The following ZMYND8 variants were observed in gnomAD, a reference collection of about 807,000 sequenced individuals.
The protein encoded by ZMYND8 is zinc finger MYND-type containing 8, also known as MYND-type zinc finger-containing chromatin reader ZMYND8.
Under a neutral mutation model 140.8 loss-of-function variants are expected in ZMYND8, and 37 were observed. The observed-to-expected ratio is 0.26, with a 90% CI of 0.20 to 0.35. ZMYND8 has a LOEUF of 0.35. Ranked by LOEUF, ZMYND8 falls within the 10% of genes least tolerant of loss-of-function variation. The pLI, the probability that ZMYND8 is intolerant of heterozygous loss-of-function variation, is 1.00. For missense variants in ZMYND8, 1,068 were observed against 1,570.0 expected, an observed-to-expected ratio of 0.68 and a Z score of 5.40; for synonymous variants, 592 against 597.1, an observed-to-expected ratio of 0.99 and a Z score of 0.12.
At chr20:47,256,222 G>A (rs953642617) in intron 12 of ZMYND8, among the ~76,000 whole-genome samples, 4 of 152,100 alleles carry the variant, frequency 2.6e-5, no homozygotes, top group African/African-American at 4.8e-5. Context: ...GCTCATGCCT[G>A]TAATCCCAGC....
chr20:47,211,815 G>A (rs922428821), intron 22 of ZMYND8, among the ~76,000 whole-genome samples: 5 of 152,194 alleles, frequency 3.3e-5, no homozygotes, highest in Non-Finnish European at 5.9e-5. Flanking sequence ...GGGCCAAGGA[G>A]GGGACCATGC....
chr20:47,333,590 G>C (rs956665536), intron 2 of ZMYND8, among the ~76,000 whole-genome samples: 2 of 151,932 alleles, frequency 1.3e-5, no homozygotes, highest in Non-Finnish European at 1.5e-5. Flanking sequence ...GCTGGGCGTG[G>C]TGGCACATGC....
At chr20:47,352,736 G>A (rs188458048) in intron 1 of ZMYND8, 371 of 168,904 alleles carry the variant, frequency 2.2e-3, no homozygotes, top group Middle Eastern at 0.015. Context: ...GGCCCCCGCC[G>A]GCCGGTAGGT....
intron 5 of ZMYND8, among the ~76,000 whole-genome samples, chr20:47,292,490 T>C (rs2077327769): frequency 6.6e-6 from 1 of 152,190 alleles, no homozygotes; most frequent in Non-Finnish European, 1.5e-5. Flanking sequence ...TGAGATTTTG[T>C]TTAAAAGAGT....
intron 4 of ZMYND8, among the ~76,000 whole-genome samples, chr20:47,297,808 ACAT>A (rs1026908567): frequency 1.9e-4 from 29 of 152,190 alleles, no homozygotes; most frequent in African/African-American, 6.0e-4. Flanking sequence ...TTCCAAAAAA[ACAT>A]CAGAGTTGGG....
rs1366367194 is a variant in ZMYND8, at chr20:47,210,192, G to A, written c.*569C>T. 4 of 152,876 alleles carry A rather than the reference G, an allele frequency of 2.6e-5. No individual in the cohort carries two copies. The highest frequency in any genetic ancestry group is 1.9e-4 in the East Asian group (1 of 5,258). 9.5% of individuals were successfully genotyped at this position (152,876 alleles called of 1,614,324 possible). A position where few individuals can be genotyped will look rare whatever the true frequency, so the allele number is the denominator to read the frequency against. ...AACGTAGTAGCTGAAAGGAGCCAAC[G>A]GCTTGATGGGATAGTCTGTGCCGAA... is the stretch of plus-strand genomic sequence containing the variant. On this transcript the variant is annotated 3_prime_UTR_variant, in exon 23 of 23. Coordinates refer to ENST00000471951, the MANE Select transcript of ZMYND8 (RefSeq NM_001281775.3).
chr20:47,287,395 CT>C (rs2076989965), intron 7 of ZMYND8, 111 bp from the exon 8 acceptor site: 3 of 897,338 alleles, frequency 3.3e-6, no homozygotes, highest in Admixed American at 4.0e-5. Context: ...CAGGATTAAG[CT>C]TTTAAAGGCT....
chr20:47,313,901 C>T (rs553146647), intron 2 of ZMYND8, among the ~76,000 whole-genome samples: 1 of 152,020 alleles, frequency 6.6e-6, no homozygotes, highest in East Asian at 1.9e-4. Context: ...CGACTGCACT[C>T]CAGCCTGGGC....
At chr20:47,300,940 TTTTG>T (rs1183325668) in intron 3 of ZMYND8, among the ~76,000 whole-genome samples, 4 of 147,032 alleles carry the variant, frequency 2.7e-5, no homozygotes, top group Admixed American at 2.0e-4. Context: ...GTGTGTTTTG[TTTTG>T]TTTTTTTTGT....
At chr20:47,213,186 C>T (rs554544707) in intron 21 of ZMYND8, among the ~76,000 whole-genome samples, 30 of 152,172 alleles carry the variant, frequency 2.0e-4, no homozygotes, top group Admixed American at 1.4e-3. Context: ...AGAAGGCACA[C>T]GTGATGAGGA....
At chr20:47,249,627 C>T (rs1329526405) in intron 12 of ZMYND8, among the ~76,000 whole-genome samples, 188 bp from the exon 13 acceptor site, 2 of 150,626 alleles carry the variant, frequency 1.3e-5, no homozygotes, top group Admixed American at 6.6e-5. Context: ...TAATGGCCCA[C>T]GTGAACACGT....
At position 47,239,089 on chromosome 20, in the gene ZMYND8, C is replaced by T. The variant is rs770713974; in HGVS notation, c.2334G>A (p.Pro778=). The T allele has an allele frequency of 3.9e-6, 6 of 1,525,832 alleles. No homozygotes were observed. The highest frequency in any genetic ancestry group is 1.8e-6 in the Non-Finnish European group (2 of 1,138,788). 94.5% of individuals were successfully genotyped at this position (1,525,832 alleles called of 1,614,324 possible). A position where few individuals can be genotyped will look rare whatever the true frequency, so the allele number is the denominator to read the frequency against. Residue 778 remains proline (P), a synonymous_variant, in exon 15 of 23, where the codon CCG becomes CCA. Transcript: ENST00000471951. ...PSTTVGSHSP[P]ETPVLTRSSA... is the part of the protein sequence containing the mutation. ...AAGAGCGGGTGAGCACCGGTGTTTCCGGGGGAGAATGGCTGCCCACCGTCG... is the reference window on the plus strand; with the variant it reads ...AAGAGCGGGTGAGCACCGGTGTTTCTGGGGGAGAATGGCTGCCCACCGTCG...
intron 7 of ZMYND8, among the ~76,000 whole-genome samples, chr20:47,289,685 A>G (rs994931694): frequency 1.3e-5 from 2 of 152,178 alleles, no homozygotes; most frequent in Admixed American, 6.5e-5. Context: ...TCAAAATATT[A>G]CACTGCATGA....
chr20:47,259,883 C>T (rs1267868601), intron 12 of ZMYND8, among the ~76,000 whole-genome samples: 1 of 152,186 alleles, frequency 6.6e-6, no homozygotes, highest in East Asian at 1.9e-4. Flanking sequence ...ACCACTCTAA[C>T]CCAATCCCAC....
At chr20:47,231,385 C>T (rs541902904) in intron 16 of ZMYND8, among the ~76,000 whole-genome samples, 41 of 152,264 alleles carry the variant, frequency 2.7e-4, no homozygotes, top group African/African-American at 8.4e-4. Flanking sequence ...TGCACTGCCT[C>T]TAAGCCTCGG....
At chr20:47,352,595 C>T (rs2082879778) in intron 1 of ZMYND8, 55 of 959,940 alleles carry the variant, frequency 5.7e-5, no homozygotes, top group Non-Finnish European at 6.8e-5. Flanking sequence ...TTTACTGTTA[C>T]AGGTCTGAGC....
intron 3 of ZMYND8, among the ~76,000 whole-genome samples, chr20:47,306,665 G>C (rs950459596): frequency 6.6e-6 from 1 of 151,218 alleles, no homozygotes; most frequent in African/African-American, 2.4e-5. Flanking sequence ...CTGCCTCCCG[G>C]GTTCAAGAGA....
chr20:47,310,882 T>C (rs1353537763), intron 2 of ZMYND8, among the ~76,000 whole-genome samples: 1 of 150,054 alleles, frequency 6.7e-6, no homozygotes, highest in Non-Finnish European at 1.5e-5. Flanking sequence ...GATGGAAACA[T>C]GTGCAATCGC....
intron 19 of ZMYND8, among the ~76,000 whole-genome samples, chr20:47,223,683 G>C (rs1025403136): frequency 5.9e-5 from 9 of 151,530 alleles, no homozygotes; most frequent in Admixed American, 4.6e-4. Flanking sequence ...AAAATTAGCC[G>C]GGCATAGTGG....
Sources: allele counts gnomAD v4.1 joint callset (sites outside exome capture counted in the v4.1 genomes callset), GRCh38; gene constraint gnomAD v4.1.1; transcripts MANE v1.5; gene names NCBI Gene and HGNC (gene_info 2026-07-23, HGNC 2026-07-21).